PRPSAP1: variants seen among roughly 807,000 people sequenced by gnomAD.
The protein encoded by PRPSAP1 is phosphoribosyl pyrophosphate synthetase associated protein 1.
In PRPSAP1, 31 loss-of-function variants were observed where a neutral mutation model predicts 39.4. The observed-to-expected ratio is 0.79, with a 90% CI of 0.59 to 1.06. The LOEUF (loss-of-function observed/expected upper bound fraction) is 1.06, where lower values mean the gene tolerates loss of function less well. PRPSAP1 is among the 50% of genes least tolerant of loss of function. PRPSAP1 has a pLI of 0.00. For missense variants in PRPSAP1, 430 were observed against 511.6 expected (o/e 0.84, Z 1.54); for synonymous variants, 212 against 192.6 (o/e 1.10, Z -0.83).
chr17:76,347,414 G>A (rs939240923), intron 2 of PRPSAP1, among the ~76,000 whole-genome samples: 2 of 149,206 alleles, frequency 1.3e-5, no homozygotes, highest in African/African-American at 4.9e-5. Context: ...TTGAACCTGG[G>A]AGGTGGAGGT....
intron 7 of PRPSAP1, among the ~76,000 whole-genome samples, chr17:76,327,478 G>A (rs2071266838): frequency 6.6e-6 from 1 of 151,918 alleles, no homozygotes; most frequent in Non-Finnish European, 1.5e-5. Flanking sequence ...CATGGTGAAA[G>A]CTCATCTCTA....
chr17:76,344,708 G>A lies in PRPSAP1; in HGVS notation c.253C>T (p.Arg85Cys). 1.3e-6 allele frequency: 2 copies of A among 1,582,604 alleles called. No individual in the cohort carries two copies. Among genetic ancestry groups the A allele is most frequent in the Non-Finnish European group, 1.7e-6 (2 of 1,159,420 alleles). The part of the protein sequence containing the change: ...ETRVEIKESV[R>C]GQDIFIIQTI... ...TGTATAATGAAAATATCTTGGCCAC[G>A]AACAGATTCTTTTATTTCAACTCTT... The change falls in exon 3 of 10, where the codon CGT becomes TGT. Residue 85 changes from arginine (R) to cysteine (C), a missense_variant. This residue lies in a region of PRPSAP1 where 152 missense variants were observed against 135.2 expected (regional missense o/e 1.12). Coordinates refer to ENST00000446526, the MANE Select transcript of PRPSAP1 (RefSeq NM_002766.3).
chr17:76,353,404 G>C, intron 1 of PRPSAP1, 130 bp downstream of exon 1: 7 of 942,436 alleles, frequency 7.4e-6, no homozygotes, highest in Non-Finnish European at 1.0e-5. Flanking sequence ...AGCTTTGTCC[G>C]GCTGGGAAGG....
intron 2 of PRPSAP1, chr17:76,346,067 G>C (rs1192472639): frequency 5.6e-6 from 2 of 358,842 alleles, no homozygotes; most frequent in East Asian, 1.5e-4. Flanking sequence ...GGAGATGCCT[G>C]AACACACCAG....
chr17:76,332,868 A>T (rs1329189690), intron 3 of PRPSAP1, among the ~76,000 whole-genome samples: 1 of 150,626 alleles, frequency 6.6e-6, no homozygotes, highest in African/African-American at 2.4e-5. Flanking sequence ...CTTTCCATTG[A>T]GTGTGGGGAG....
In PRPSAP1 at chr17:76,319,064, C is replaced by T. The variant is rs1204688308; in HGVS notation, c.782-5173G>A. ...AAGCGATTCTCCTGCCTCAGCCTCC[C>T]AAGTAGCTGGGATTACAGATGTGTG... On this transcript the variant is annotated intron_variant, in intron 7 of 9. Transcript: ENST00000446526. Among the ~76,000 whole-genome samples, 11 of 151,726 alleles carry T rather than the reference C, an allele frequency of 7.2e-5. No homozygotes were observed. In the South Asian group the frequency reaches 1.9e-3, roughly 26 times the overall value.
intron 1 of PRPSAP1, among the ~76,000 whole-genome samples, chr17:76,351,846 T>G (rs919041135): frequency 6.6e-6 from 1 of 152,130 alleles, no homozygotes; most frequent in Non-Finnish European, 1.5e-5. Context: ...CCTCACTGAC[T>G]TTTAAAATGT....
chr17:76,313,855 A>T lies in PRPSAP1; in HGVS notation c.818T>A (p.Val273Asp), dbSNP rs2071093816. The change falls in exon 8 of 10, where the codon GTT becomes GAT. Residue 273 changes from valine (V) to aspartate (D), a missense_variant. Physicochemically the swap from Val to Asp is radical, Grantham distance 152. Coordinates refer to ENST00000446526, the MANE Select transcript of PRPSAP1 (RefSeq NM_002766.3). ...MAKEKPPITV[V>D]GDVGGRIAII... The stretch of plus-strand genomic sequence containing the variant: ...TGCGATGCGGCCTCCAACATCTCCA[A>T]CTACAGTTATCGGTGGCTTCTCTTT... 6.2e-7 allele frequency: 1 copy of T among 1,614,100 alleles called. No homozygotes were observed. Among genetic ancestry groups the T allele is most frequent in the Non-Finnish European group, 8.5e-7 (1 of 1,180,042 alleles).
chr17:76,343,533 T>C (rs1316237443), intron 3 of PRPSAP1, among the ~76,000 whole-genome samples: 1 of 152,214 alleles, frequency 6.6e-6, no homozygotes, highest in Non-Finnish European at 1.5e-5. Context: ...GAAAACCCTT[T>C]GTCCTTGAGG....
At chr17:76,331,371 G>C (rs76707651) in intron 4 of PRPSAP1, among the ~76,000 whole-genome samples, 122 of 152,276 alleles carry the variant, frequency 8.0e-4, no homozygotes, top group African/African-American at 2.9e-3. Context: ...CTGGATCTAT[G>C]GGTTCCACGT....
intron 7 of PRPSAP1, among the ~76,000 whole-genome samples, chr17:76,319,206 G>C (rs1452654912): frequency 6.6e-6 from 1 of 151,948 alleles, no homozygotes; most frequent in East Asian, 1.9e-4. Flanking sequence ...CCAAAGTGCT[G>C]GAATTATAGG....
At position 76,353,569 on chromosome 17, in the gene PRPSAP1, C is replaced by G; in HGVS notation, c.135G>C (p.Thr45=). ...GCTTGGCCAGCTCCGTGCAGGCGGC[C>G]GTGGAGTTGGCCGAGAAGACTCGGT... ...TGYRVFSANS[T]AACTELAKRI... is the part of the protein sequence containing the mutation. The change falls in exon 1 of 10, where the codon ACG becomes ACC. Residue 45 remains threonine, a synonymous_variant. Coordinates refer to ENST00000446526, the MANE Select transcript of PRPSAP1 (RefSeq NM_002766.3). 6.4e-7 allele frequency: 1 copy of G among 1,558,544 alleles called. No individual in the cohort carries two copies. The highest frequency in any genetic ancestry group is 8.6e-7 in the Non-Finnish European group (1 of 1,157,398).
rs574670660 is a variant in PRPSAP1 at position 76,311,497 on chromosome 17, T to C, written c.*45A>G. The C allele has an allele frequency of 6.3e-7, 1 of 1,584,782 alleles. No individual in the cohort carries two copies. On this transcript the variant is annotated 3_prime_UTR_variant, in exon 10 of 10. Transcript: ENST00000446526. ...CTGTATCACTCATGGCACTGCTTTT[T>C]CCATGTTTCCCTCAGGAGGTCCAGG... is the stretch of plus-strand genomic sequence containing the variant.
intron 1 of PRPSAP1, among the ~76,000 whole-genome samples, chr17:76,352,045 ACT>A (rs1319844733): frequency 6.6e-6 from 1 of 151,436 alleles, no homozygotes; most frequent in Non-Finnish European, 1.5e-5. Context: ...ACATTCTTCC[ACT>A]CTCCAAAACT....
In PRPSAP1 at chr17:76,330,706, C is replaced by T. The variant is rs149964191; in HGVS notation, c.464-40G>A. On this transcript the variant is annotated intron_variant, in intron 4 of 9. Transcript: ENST00000446526. ...CAAAAAATTACAAAGTTCACCCCTA[C>T]AGGTAAATGGCTACAGTGGACCTAA... 3,276 of 1,359,526 alleles carry T rather than the reference C, an allele frequency of 2.4e-3. 58 individuals are homozygous for T. In the African/African-American group the frequency reaches 0.039, roughly 16 times the overall value. The allele number at this position is 1,359,526 out of a possible 1,614,324, so 84.2% of individuals were successfully genotyped here.
chr17:76,343,663 T>C (rs145518995), intron 3 of PRPSAP1, among the ~76,000 whole-genome samples: 2,780 of 152,162 alleles, frequency 0.018, 87 homozygotes, highest in African/African-American at 0.062. Context: ...AGTGAAACCC[T>C]GTCTCTACTA....
intron 7 of PRPSAP1, among the ~76,000 whole-genome samples, chr17:76,328,387 G>A (rs1050047277): frequency 2.6e-5 from 4 of 152,148 alleles, no homozygotes; most frequent in Non-Finnish European, 4.4e-5. Context: ...GTCTGGAGCA[G>A]ATCACGAGGT....
At chr17:76,328,568 C>T in intron 7 of PRPSAP1, 149 bp downstream of exon 7, 22 of 1,010,606 alleles carry the variant, frequency 2.2e-5, no homozygotes, top group Non-Finnish European at 3.1e-5. Context: ...AAGATCACGC[C>T]ACTGCACTCT....
chr17:76,345,594 G>C (rs1053907846), intron 2 of PRPSAP1, among the ~76,000 whole-genome samples: 11 of 139,184 alleles, frequency 7.9e-5, no homozygotes, highest in Admixed American at 2.2e-4. Context: ...CTGGACAACA[G>C]AGACCTTGTC....
Sources: allele counts gnomAD v4.1 joint callset (sites outside exome capture counted in the v4.1 genomes callset), GRCh38; gene constraint gnomAD v4.1.1; regional missense constraint gnomAD v4.1.1; transcripts MANE v1.5; gene names NCBI Gene and HGNC (gene_info 2026-07-23, HGNC 2026-07-21).